Variants in LRRC8B observed in about 807,000 individuals in gnomAD.
LRRC8B encodes volume-regulated anion channel subunit LRRC8B.
In LRRC8B, 23 loss-of-function variants were observed where a neutral mutation model predicts 58.8. That is an observed-to-expected ratio of 0.39 (90% CI 0.28 to 0.55). The LOEUF (loss-of-function observed/expected upper bound fraction) is 0.55. Ranked by LOEUF, LRRC8B falls within the 20% of genes least tolerant of loss-of-function variation. The pLI is 0.62. For synonymous variants in LRRC8B, 359 were observed against 374.1 expected (o/e 0.96, Z 0.47); for missense variants, 694 against 936.0 (o/e 0.74, Z 3.37).
At chr1:89,566,625 T>C (rs770976576) in intron 1 of LRRC8B, among the ~76,000 whole-genome samples, 1 of 152,200 alleles carries the variant, frequency 6.6e-6, no homozygotes, top group Non-Finnish European at 1.5e-5. Context: ...AAGACAAATA[T>C]ACCCAAATGG....
intron 1 of LRRC8B, among the ~76,000 whole-genome samples, chr1:89,552,341 A>G (rs1298806264): frequency 1.3e-5 from 2 of 152,170 alleles, no homozygotes; most frequent in Admixed American, 6.5e-5. Context: ...GGAATAAGAG[A>G]TATGGTAATG....
rs1171560612 is a variant in LRRC8B, at chr1:89,583,015, C to T, written c.365C>T (p.Pro122Leu). 4 of 1,614,158 alleles carry T rather than the reference C, an allele frequency of 2.5e-6. No homozygotes were observed. Among genetic ancestry groups the T allele is most frequent in the Non-Finnish European group, 3.4e-6 (4 of 1,180,040 alleles). ...CTCCATTGGTTTGCAAAGTTTTTCC[C>T]CTATCTGGTGCTCTTGCACACGCTC... ...KQLHWFAKFF[P>L]YLVLLHTLIF... Residue 122 changes from proline to leucine, a missense_variant, in exon 5 of 6, where the codon CCC (proline) becomes CTC (leucine). This residue lies in a region of LRRC8B where 316 missense variants were observed against 403.8 expected (regional missense o/e 0.78). Coordinates refer to ENST00000330947, the MANE Select transcript of LRRC8B (RefSeq NM_001369817.2). The surrounding 1 kb of genome is among the most constrained non-coding windows in gnomAD (Gnocchi z 5.2).
rs752652926 is a variant in LRRC8B at position 89,582,880 on chromosome 1, T to C, written c.230T>C (p.Met77Thr). The change falls in exon 5 of 6, where the codon ATG becomes ACG. Residue 77 changes from methionine (M) to threonine (T), a missense_variant. By Grantham distance (81) the Met-to-Thr change is moderately conservative. This residue lies in a region of LRRC8B where 316 missense variants were observed against 403.8 expected (regional missense o/e 0.78). Transcript: ENST00000330947. Reference protein sequence around the residue: ...AVPWDILKASMNTSSNPGTPL... With the variant: ...AVPWDILKASTNTSSNPGTPL... ...CCTTGGGACATCCTGAAAGCCAGCA[T>C]GAACACATCCTCTAATCCTGGGACA... 1.2e-6 allele frequency: 2 copies of C among 1,614,090 alleles called. No individual in the cohort carries two copies. Among genetic ancestry groups the C allele is most frequent in the African/African-American group, 2.7e-5 (2 of 74,936 alleles).
chr1:89,562,227 C>G (rs1317659631), intron 1 of LRRC8B, among the ~76,000 whole-genome samples: 3 of 150,820 alleles, frequency 2.0e-5, no homozygotes, highest in African/African-American at 7.3e-5. Context: ...TTATCTTTTC[C>G]TTTTCTTCCC....
intron 5 of LRRC8B, among the ~76,000 whole-genome samples, chr1:89,587,588 A>G (rs1446372873): frequency 6.6e-6 from 1 of 152,182 alleles, no homozygotes; most frequent in East Asian, 1.9e-4. Flanking sequence ...AGACATGCAT[A>G]TACAAAGAAA....
At chr1:89,550,502 T>G (rs1651720545) in intron 1 of LRRC8B, among the ~76,000 whole-genome samples, 1 of 152,192 alleles carries the variant, frequency 6.6e-6, no homozygotes, top group African/African-American at 2.4e-5. Flanking sequence ...GCTTTCCCGC[T>G]AGGTTCACTT....
intron 1 of LRRC8B, among the ~76,000 whole-genome samples, chr1:89,547,250 A>G (rs1044381778): frequency 6.6e-6 from 1 of 150,670 alleles, no homozygotes; most frequent in Non-Finnish European, 1.5e-5. Context: ...TTTTTTTCTC[A>G]GAAACCTGGT....
chr1:89,547,399 G>T (rs1205440264), intron 1 of LRRC8B, among the ~76,000 whole-genome samples: 1 of 152,166 alleles, frequency 6.6e-6, no homozygotes, highest in East Asian at 1.9e-4. Flanking sequence ...TCCAATGAGG[G>T]TGAGTATTGT....
At chr1:89,554,195 A>G (rs539791905) in intron 1 of LRRC8B, among the ~76,000 whole-genome samples, 1 of 152,218 alleles carries the variant, frequency 6.6e-6, no homozygotes, top group South Asian at 2.1e-4. Context: ...CCATCTATGC[A>G]TCTGCTCACT....
chr1:89,584,921 C>A (rs1654520204), intron 5 of LRRC8B, 132 bp downstream of exon 5: 1 of 614,494 alleles, frequency 1.6e-6, no homozygotes, highest in Non-Finnish European at 2.8e-6. Context: ...CATAAATTAC[C>A]AAAACACTGA....
chr1:89,547,620 A>C (rs1292691679), intron 1 of LRRC8B, among the ~76,000 whole-genome samples: 1 of 152,192 alleles, frequency 6.6e-6, no homozygotes, highest in African/African-American at 2.4e-5. Flanking sequence ...TCCTTTGATA[A>C]AATCATATTC....
chr1:89,555,095 G>A (rs1210263556), intron 1 of LRRC8B, among the ~76,000 whole-genome samples: 1 of 152,178 alleles, frequency 6.6e-6, no homozygotes, highest in African/African-American at 2.4e-5. Context: ...ACCAAGTGAA[G>A]CTGCAGAATC....
Position 89,564,450 on chromosome 1 carries a change from TG to T in LRRC8B, c.-240-3795del, listed in dbSNP as rs199510885. Among the ~76,000 whole-genome samples, 1,128 of 152,344 alleles carry T rather than the reference TG, an allele frequency of 7.4e-3. 6 individuals carry two copies. Among genetic ancestry groups the T allele is most frequent in the Non-Finnish European group, 9.1e-3 (622 of 68,024 alleles). On this transcript the variant is annotated intron_variant, in intron 1 of 5. Coordinates refer to ENST00000330947, the MANE Select transcript of LRRC8B (RefSeq NM_001369817.2). ...CTCCTTGGAGAGGCTGTGTAGCAGATGGCTCTTAGTCAGCTCTGTTGTGAAT... is the reference window on the plus strand; with the variant it reads ...CTCCTTGGAGAGGCTGTGTAGCAGATGCTCTTAGTCAGCTCTGTTGTGAAT...
Position 89,596,319 on chromosome 1 carries a change from CCCTGTATGTCA to C in LRRC8B, c.*3278_*3288del, listed in dbSNP as rs1386476481. The C allele has an allele frequency of 2.0e-5, 3 of 152,134 alleles. No homozygotes were observed. The highest frequency in any genetic ancestry group is 3.4e-3 in the Middle Eastern group (1 of 292). 9.4% of individuals were successfully genotyped at this position (152,134 alleles called of 1,614,324 possible). On this transcript the variant is annotated 3_prime_UTR_variant, in exon 6 of 6. Coordinates refer to ENST00000330947, the MANE Select transcript of LRRC8B (RefSeq NM_001369817.2). ...TTCACTCCCAGTCTTAATTTCTTTC[CCCTGTATGTCA>C]CTGTATTTTATGTCACTTCACATTG...
chr1:89,538,490 G>A (rs1012297994), intron 1 of LRRC8B, among the ~76,000 whole-genome samples: 1 of 152,082 alleles, frequency 6.6e-6, no homozygotes, highest in Admixed American at 6.6e-5. Flanking sequence ...GATTTCCTTT[G>A]GGGACATTTT....
intron 3 of LRRC8B, among the ~76,000 whole-genome samples, chr1:89,579,116 G>A (rs1332792736): frequency 2.0e-5 from 3 of 152,114 alleles, no homozygotes; most frequent in Non-Finnish European, 4.4e-5. Flanking sequence ...ATCACTTGGT[G>A]TGACAAGCTG....
Position 89,584,003 on chromosome 1 carries a change from A to G in LRRC8B, c.1353A>G (p.Pro451=). 6.2e-7 allele frequency: 1 copy of G among 1,614,226 alleles called. No homozygotes were observed. Among genetic ancestry groups the G allele is most frequent in the Non-Finnish European group, 8.5e-7 (1 of 1,180,030 alleles). ...AAGTGCTAAGCCTGGAGCTTATCCC[A>G]GAGGTGAAGCTGCCCTCTGCAGTCT... ...EMEVLSLELI[P]EVKLPSAVSQ... Residue 451 remains proline, a synonymous_variant, in exon 5 of 6, where the codon CCA becomes CCG. Transcript: ENST00000330947.
intron 3 of LRRC8B, among the ~76,000 whole-genome samples, chr1:89,569,510 TTATATC>T (rs924701471): frequency 6.6e-6 from 1 of 152,074 alleles, no homozygotes; most frequent in African/African-American, 2.4e-5. Context: ...GTTCCCATCT[TTATATC>T]TATGTGTACC....
chr1:89,564,882 T>G (rs2100983466), intron 1 of LRRC8B, among the ~76,000 whole-genome samples: 1 of 152,332 alleles, frequency 6.6e-6, no homozygotes, highest in South Asian at 2.1e-4. Context: ...ATTAAATGTT[T>G]GTATTTGGTG....
Sources: gnomAD v4.1 joint callset for allele counts (sites outside exome capture counted in the v4.1 genomes callset) on GRCh38, gnomAD v4.1.1 for gene constraint, gnomAD v4.1.1 regional missense constraint, Gnocchi (gnomAD v3.1) non-coding constraint, MANE v1.5 for transcripts, NCBI Gene and HGNC (gene_info 2026-07-23, HGNC 2026-07-21) for gene names.